PNPT1: variants seen among roughly 807,000 people sequenced by gnomAD.
PNPT1 encodes the protein polyribonucleotide nucleotidyltransferase 1, mitochondrial.
Under a neutral mutation model 119.5 loss-of-function variants are expected in PNPT1, and 53 were observed. The ratio of observed to expected loss-of-function variants is 0.44; its 90% CI spans 0.36 to 0.56. The LOEUF (loss-of-function observed/expected upper bound fraction) is 0.56. Ranked by LOEUF, PNPT1 falls within the 20% of genes least tolerant of loss-of-function variation. PNPT1 has a pLI of 0.00. For synonymous variants in PNPT1, 357 were observed against 322.1 expected (o/e 1.11, Z -1.16); for missense variants, 948 against 938.5 (o/e 1.01, Z -0.13).
At chr2:55,647,879 TG>T (rs1559089921) in intron 18 of PNPT1, among the ~76,000 whole-genome samples, 1 of 152,212 alleles carries the variant, frequency 6.6e-6, no homozygotes, top group East Asian at 1.9e-4. Context: ...TCACCGAAGC[TG>T]AGTTGGAAGT....
intron 14 of PNPT1, among the ~76,000 whole-genome samples, chr2:55,661,278 G>A (rs782605): frequency 0.95 from 144,315 of 151,624 alleles, 69,100 homozygotes; most frequent in African/African-American, 0.99. Flanking sequence ...TTTTCAGTAG[G>A]GACGGAATTT....
chr2:55,662,625 G>A (rs2104094090), intron 13 of PNPT1, among the ~76,000 whole-genome samples: 1 of 152,274 alleles, frequency 6.6e-6, no homozygotes, highest in East Asian at 1.9e-4. Flanking sequence ...AGTGAGCCAA[G>A]ATGACACCAC....
At chr2:55,663,769 G>A (rs1454137158) in intron 13 of PNPT1, among the ~76,000 whole-genome samples, 2 of 152,088 alleles carry the variant, frequency 1.3e-5, no homozygotes, top group African/African-American at 4.8e-5. Context: ...ACGAGGTCAG[G>A]AGATAGAGAC....
At chr2:55,679,918 A>C in intron 7 of PNPT1, 123 bp from the exon 8 acceptor site, 1 of 674,976 alleles carries the variant, frequency 1.5e-6, no homozygotes, top group East Asian at 2.9e-5. Flanking sequence ...ATGTTTCTAC[A>C]CGGTATTTAA....
intron 4 of PNPT1, 59 bp downstream of exon 4, chr2:55,684,884 G>T: frequency 7.1e-7 from 1 of 1,403,328 alleles, no homozygotes. Flanking sequence ...AGATGCAAGA[G>T]AAGAGATGCT....
chr2:55,647,150 C>G (rs1390614257), intron 19 of PNPT1, among the ~76,000 whole-genome samples, 197 bp downstream of exon 19: 1 of 151,964 alleles, frequency 6.6e-6, no homozygotes, highest in Non-Finnish European at 1.5e-5. Context: ...AAATTCATAT[C>G]CTATAAGATA....
chr2:55,656,418 AG>A lies in PNPT1; in HGVS notation c.1285-48del, dbSNP rs894691854. ...ACACACATATACAATTGACATAGAA[AG>A]ATGTCCAAGTTATATTACCAAAATA... is the stretch of plus-strand genomic sequence containing the variant. On this transcript the variant is annotated intron_variant, in intron 15 of 27. Transcript: ENST00000447944. 7 of 1,487,264 alleles carry A rather than the reference AG, an allele frequency of 4.7e-6. No individual in the cohort carries two copies. In the African/African-American group the frequency reaches 9.9e-5, roughly 21 times the overall value. 92.1% of individuals were successfully genotyped at this position (1,487,264 alleles called of 1,614,324 possible). A position where few individuals can be genotyped will look rare whatever the true frequency, so the allele number is the denominator to read the frequency against.
chr2:55,658,274 GA>G (rs1237006209), intron 15 of PNPT1, among the ~76,000 whole-genome samples: 1 of 151,802 alleles, frequency 6.6e-6, no homozygotes, highest in Non-Finnish European at 1.5e-5. Context: ...ATGTTTTAAA[GA>G]AAAAAACAAA....
At chr2:55,684,453 G>C (rs375294880) in intron 4 of PNPT1, among the ~76,000 whole-genome samples, 25 of 152,234 alleles carry the variant, frequency 1.6e-4, no homozygotes, top group African/African-American at 5.8e-4. Context: ...GACAGAGCAA[G>C]ACTCTGTCTC....
At chr2:55,657,017 G>A (rs977385032) in intron 15 of PNPT1, among the ~76,000 whole-genome samples, 6 of 152,288 alleles carry the variant, frequency 3.9e-5, no homozygotes, top group African/African-American at 1.4e-4. Context: ...TTGACAATAG[G>A]AAGACTTCCC....
At chr2:55,648,915 G>GT (rs778510751) in intron 18 of PNPT1, among the ~76,000 whole-genome samples, 7 of 152,238 alleles carry the variant, frequency 4.6e-5, no homozygotes, top group South Asian at 4.1e-4. Context: ...GTTTAAAAAT[G>GT]TTTAAGTTTT....
rs1433750299 is a variant in PNPT1, at chr2:55,660,193, A to G, written c.1248T>C (p.Asn416=). Residue 416 remains asparagine, a splice_region_variant and synonymous_variant, in exon 15 of 28, where the codon AAT becomes AAC. Coordinates refer to ENST00000447944, the MANE Select transcript of PNPT1 (RefSeq NM_033109.5). ...GCATGAAATTTTTATCTTTTATCCC[A>G]CTAAAAATAAAAGGCATAATATTAA... The part of the protein sequence containing the change: ...IKSDQVITAI[N]GIKDKNFMLH... 6.3e-7 allele frequency: 1 copy of G among 1,588,602 alleles called. No homozygotes were observed. Among genetic ancestry groups the G allele is most frequent in the African/African-American group, 1.4e-5 (1 of 73,902 alleles).
chr2:55,674,833 T>C (rs1012647759), intron 8 of PNPT1, among the ~76,000 whole-genome samples: 1 of 152,212 alleles, frequency 6.6e-6, no homozygotes, highest in Admixed American at 6.5e-5. Flanking sequence ...TCTGATACCA[T>C]GATACTGAGA....
chr2:55,675,175 G>A (rs367575036), intron 8 of PNPT1, among the ~76,000 whole-genome samples: 29 of 152,052 alleles, frequency 1.9e-4, no homozygotes, highest in African/African-American at 6.3e-4. Context: ...GGCTGAGGCA[G>A]GATGATCACT....
chr2:55,650,038 C>A (rs1336455881), intron 18 of PNPT1, among the ~76,000 whole-genome samples: 3 of 152,152 alleles, frequency 2.0e-5, no homozygotes, highest in African/African-American at 7.2e-5. Context: ...CCTCTCGAGT[C>A]CCTACCTCAA....
chr2:55,668,923 C>T (rs1208130850), intron 11 of PNPT1, among the ~76,000 whole-genome samples: 1 of 152,206 alleles, frequency 6.6e-6, no homozygotes, highest in African/African-American at 2.4e-5. Flanking sequence ...TAAGAGTAGA[C>T]ACCCTCACTC....
At chr2:55,654,876 A>C (rs1291524907) in intron 18 of PNPT1, 24 bp downstream of exon 18, 1 of 1,608,184 alleles carries the variant, frequency 6.2e-7, no homozygotes, top group Non-Finnish European at 8.5e-7. Context: ...CAATATCAGC[A>C]GTTTTGAGAC....
At chr2:55,669,932 T>A (rs185612044) in intron 11 of PNPT1, among the ~76,000 whole-genome samples, 1 of 151,780 alleles carries the variant, frequency 6.6e-6, no homozygotes, top group African/African-American at 2.4e-5. Context: ...CTAATTTTTG[T>A]ATTTTTGGTA....
At chr2:55,648,026 G>A (rs72805497) in intron 18 of PNPT1, among the ~76,000 whole-genome samples, 1 of 152,066 alleles carries the variant, frequency 6.6e-6, no homozygotes, top group Non-Finnish European at 1.5e-5. Context: ...TTATCCGTTG[G>A]TTTGCTTTTT....
Sources: allele counts gnomAD v4.1 joint callset (sites outside exome capture counted in the v4.1 genomes callset), GRCh38; gene constraint gnomAD v4.1.1; transcripts MANE v1.5; gene names NCBI Gene and HGNC (gene_info 2026-07-23, HGNC 2026-07-21).